PBK: variants seen among roughly 807,000 people sequenced by gnomAD.
The protein encoded by PBK is lymphokine-activated killer T-cell-originated protein kinase.
A neutral mutation model predicts 33.5 loss-of-function variants in PBK; 22 were observed. The ratio of observed to expected loss-of-function variants is 0.66; its 90% confidence interval spans 0.47 to 0.94. The LOEUF is 0.94. PBK is among the 40% of genes least tolerant of loss of function. PBK has a pLI of 0.00. For missense variants in PBK, 376 were observed against 383.4 expected (o/e 0.98, Z 0.16); for synonymous variants, 129 against 123.8 (o/e 1.04, Z -0.28).
chr8:27,816,533 C>T (rs911205687), intron 6 of PBK, among the ~76,000 whole-genome samples: 2 of 151,484 alleles, frequency 1.3e-5, no homozygotes, highest in African/African-American at 2.4e-5. Context: ...CCCGCCACCA[C>T]GCCTGGTTAA....
At chr8:27,811,541 T>G (rs769364668) in intron 6 of PBK, among the ~76,000 whole-genome samples, 1 of 152,114 alleles carries the variant, frequency 6.6e-6, no homozygotes, top group Non-Finnish European at 1.5e-5. Context: ...GAAGTACCAT[T>G]TCTATGCTTC....
At chr8:27,816,343 C>CATATATATATA (rs1554559819) in intron 6 of PBK, among the ~76,000 whole-genome samples, 3 of 136,380 alleles carry the variant, frequency 2.2e-5, no homozygotes, top group African/African-American at 8.8e-5. Flanking sequence ...TCATCGAATA[C>CATATATATATA]TATATATATA....
At chr8:27,835,500 TGTTATCTTTCCCCATGG>T (rs1442698484) in intron 1 of PBK, among the ~76,000 whole-genome samples, 1 of 152,060 alleles carries the variant, frequency 6.6e-6, no homozygotes, top group Non-Finnish European at 1.5e-5. Context: ...CTTCCATCTG[TGTTATCTTTCCCCATGG>T]GATGCTGTGA....
At chr8:27,810,922 A>T in intron 7 of PBK, 36 bp downstream of exon 7, 1 of 1,259,438 alleles carries the variant, frequency 7.9e-7, no homozygotes, top group Non-Finnish European at 1.2e-6. Context: ...TGTGAAATGA[A>T]GAGATTGGGA....
intron 6 of PBK, among the ~76,000 whole-genome samples, chr8:27,815,073 A>G (rs1213995271): frequency 6.6e-6 from 1 of 152,182 alleles, no homozygotes; most frequent in Non-Finnish European, 1.5e-5. Flanking sequence ...CAATAGAAAG[A>G]AGACACAGTG....
rs111520745 is a variant in PBK at position 27,819,599 on chromosome 8, G to A, written c.595+966C>T. 9.5e-3 allele frequency among the ~76,000 whole-genome samples: 1,443 copies of A among 151,950 alleles called. 18 individuals carry two copies. Among genetic ancestry groups the A allele is most frequent in the African/African-American group, 0.032 (1,333 of 41,484 alleles). ...AGACTATTCATACTTTTTATAATTC[G>A]AAGTTTTTTTGTGTGATCTAAGAAT... On this transcript the variant is annotated intron_variant, in intron 6 of 7. Transcript: ENST00000301905.
intron 1 of PBK, among the ~76,000 whole-genome samples, chr8:27,836,550 A>C (rs1806230993): frequency 6.6e-6 from 1 of 151,996 alleles, no homozygotes; most frequent in Non-Finnish European, 1.5e-5. Context: ...TGTAGAGAGA[A>C]GAGGGGTGAG....
intron 1 of PBK, among the ~76,000 whole-genome samples, chr8:27,836,251 C>CA (rs1806225962): frequency 6.6e-6 from 1 of 151,604 alleles, no homozygotes; most frequent in African/African-American, 2.4e-5. Context: ...CACGAAGAGG[C>CA]GAGCTAGCAA....
At chr8:27,833,832 A>G (rs745717912) in intron 1 of PBK, among the ~76,000 whole-genome samples, 1 of 152,216 alleles carries the variant, frequency 6.6e-6, no homozygotes. Context: ...AGCATTATTC[A>G]TAACAGCCAA....
At chr8:27,833,851 A>G (rs1431027779) in intron 1 of PBK, among the ~76,000 whole-genome samples, 1 of 152,222 alleles carries the variant, frequency 6.6e-6, no homozygotes. Flanking sequence ...AAAAGGCAGA[A>G]ACAACAGAAC....
At chr8:27,825,617 G>T (rs1279034568) in intron 3 of PBK, among the ~76,000 whole-genome samples, 1 of 152,092 alleles carries the variant, frequency 6.6e-6, no homozygotes, top group African/African-American at 2.4e-5. Flanking sequence ...ACAGAAGCAG[G>T]TTAATAATTA....
intron 3 of PBK, 85 bp from the exon 4 acceptor site, chr8:27,823,290 G>T: frequency 1.2e-6 from 1 of 826,534 alleles, no homozygotes; most frequent in Non-Finnish European, 1.9e-6. Flanking sequence ...TTGGGAAAAA[G>T]CTTGAAAGAA....
chr8:27,815,686 T>G (rs1805797302), intron 6 of PBK, among the ~76,000 whole-genome samples: 1 of 152,228 alleles, frequency 6.6e-6, no homozygotes, highest in African/African-American at 2.4e-5. Context: ...AGTAGTTTTC[T>G]AGAACTCTGG....
rs534597337 is a variant in PBK at position 27,829,383 on chromosome 8, C to CT, written c.59-1186_59-1185insA. On this transcript the variant is annotated intron_variant, in intron 2 of 7. Coordinates refer to ENST00000301905, the MANE Select transcript of PBK (RefSeq NM_018492.4). ...TTTAGCCCCAGATAAACATTCAAAA[C>CT]AAAGCTTAAAAGCCAGTCTCAAAAG... Among the ~76,000 whole-genome samples the CT allele has an allele frequency of 8.5e-5, 13 of 152,138 alleles. No homozygotes were observed. In the East Asian group the frequency reaches 2.1e-3, roughly 25 times the overall value.
intron 2 of PBK, among the ~76,000 whole-genome samples, chr8:27,828,747 A>C (rs1053258753): frequency 0.092 from 2,678 of 29,156 alleles, 32 homozygotes; most frequent in East Asian, 0.41. Context: ...ACAGTCTCAA[A>C]AAAAAAAAAA....
chr8:27,822,238 A>C (rs1805942784), intron 5 of PBK, 81 bp downstream of exon 5: 8 of 1,051,392 alleles, frequency 7.6e-6, no homozygotes, highest in Middle Eastern at 2.9e-4. Context: ...CCACATTCAA[A>C]GATGTCCTGC....
At chr8:27,813,990 G>T (rs1197762941) in intron 6 of PBK, among the ~76,000 whole-genome samples, 1 of 152,120 alleles carries the variant, frequency 6.6e-6, no homozygotes, top group Non-Finnish European at 1.5e-5. Flanking sequence ...ATGCAGGCAT[G>T]CAGTGTATAA....
rs143683201 is a variant in PBK at position 27,821,272 on chromosome 8, T to A, written c.466-578A>T. 7.0e-3 allele frequency among the ~76,000 whole-genome samples: 1,072 copies of A among 152,112 alleles called. 7 individuals carry two copies. The highest frequency in any genetic ancestry group is 0.024 in the African/African-American group (1,012 of 41,514). ...AAATAAATAATTATAAGTTAACTAT[T>A]TTTTTCCAAGACAGAGTCTTGCTCT... On this transcript the variant is annotated intron_variant, in intron 5 of 7. Transcript: ENST00000301905.
In PBK at chr8:27,823,114, G is replaced by C. The variant is rs768791080; in HGVS notation, c.244C>G (p.Leu82Val). The C allele has an allele frequency of 6.3e-7, 1 of 1,588,312 alleles. No individual in the cohort carries two copies. Among genetic ancestry groups the C allele is most frequent in the Non-Finnish European group, 8.6e-7 (1 of 1,158,536 alleles). ...DHYRSVYQKR[L>V]MDEAKILKSL... ...TTCAAAATCTTAGCTTCATCCATTAGTCTCTTTTGATACACACTTCGATAA... is the reference window on the plus strand; with the variant it reads ...TTCAAAATCTTAGCTTCATCCATTACTCTCTTTTGATACACACTTCGATAA... The change falls in exon 4 of 8, where the codon CTA (leucine) becomes GTA (valine). Residue 82 changes from leucine to valine, a missense_variant. Physicochemically the swap from Leu to Val is conservative, Grantham distance 32. Coordinates refer to ENST00000301905, the MANE Select transcript of PBK (RefSeq NM_018492.4).
Sources: gnomAD v4.1 joint callset for allele counts (sites outside exome capture counted in the v4.1 genomes callset) on GRCh38, gnomAD v4.1.1 for gene constraint, MANE v1.5 for transcripts, NCBI Gene and HGNC (gene_info 2026-07-23, HGNC 2026-07-21) for gene names.